ABI1: variants seen among roughly 807,000 people sequenced by gnomAD.
ABI1 encodes abl interactor 1.
Under a neutral mutation model 54.6 loss-of-function variants are expected in ABI1, and 14 were observed. The observed-to-expected ratio is 0.26, with a 90% CI of 0.17 to 0.40. The LOEUF is 0.40. Ranked by LOEUF, ABI1 falls within the 10% of genes least tolerant of loss-of-function variation. ABI1 has a pLI of 1.00. For missense variants in ABI1, 443 were observed against 598.3 expected, an observed-to-expected ratio of 0.74 and a Z score of 2.71; for synonymous variants, 194 against 209.3, an observed-to-expected ratio of 0.93 and a Z score of 0.63.
At chr10:26,779,418 CTGA>C (rs1841835490) in intron 2 of ABI1, among the ~76,000 whole-genome samples, 1 of 152,208 alleles carries the variant, frequency 6.6e-6, no homozygotes, top group African/African-American at 2.4e-5. Context: ...CCTTATCAAG[CTGA>C]CAGTCAGCCT....
chr10:26,790,323 A>T (rs1303722469), intron 2 of ABI1, among the ~76,000 whole-genome samples: 2 of 152,180 alleles, frequency 1.3e-5, no homozygotes, highest in African/African-American at 4.8e-5. Context: ...AATAATAGCC[A>T]TTCTGACTGG....
At chr10:26,771,922 A>G (rs1179432980) in intron 3 of ABI1, among the ~76,000 whole-genome samples, 7 of 152,092 alleles carry the variant, frequency 4.6e-5, no homozygotes, top group Admixed American at 4.6e-4. Flanking sequence ...CTACTTGTAC[A>G]ATGCCACTAA....
chr10:26,784,544 G>A (rs1025734498), intron 2 of ABI1, among the ~76,000 whole-genome samples: 6 of 152,082 alleles, frequency 3.9e-5, no homozygotes, highest in Non-Finnish European at 5.9e-5. Context: ...ACATAACTGG[G>A]GAGGTGGGGG....
At chr10:26,817,457 A>G (rs2047649240) in intron 2 of ABI1, among the ~76,000 whole-genome samples, 1 of 152,202 alleles carries the variant, frequency 6.6e-6, no homozygotes, top group Admixed American at 6.5e-5. Context: ...TAAAATCTAA[A>G]AAGGCAACAG....
At chr10:26,840,665 T>C (rs374660265) in intron 1 of ABI1, among the ~76,000 whole-genome samples, 1 of 152,202 alleles carries the variant, frequency 6.6e-6, no homozygotes, top group Non-Finnish European at 1.5e-5. Context: ...TAATCTCTAC[T>C]GTAATCAATT....
chr10:26,753,853 T>C (rs1201366285), intron 9 of ABI1, among the ~76,000 whole-genome samples: 5 of 152,192 alleles, frequency 3.3e-5, no homozygotes, highest in Non-Finnish European at 5.9e-5. Flanking sequence ...TAAAAAGAAC[T>C]AATATAGTAC....
rs7096584 is a variant in ABI1 at position 26,777,047 on chromosome 10, G to C, written c.462+18C>G. ...TGGATATGCAAATTAGCTTGTTAAT[G>C]TAATATAAAATGCTTACCTTGACAC... is the stretch of plus-strand genomic sequence containing the variant. On this transcript the variant is annotated intron_variant, in intron 3 of 10. Transcript: ENST00000376140. The C allele has an allele frequency of 6.5e-7, 1 of 1,541,394 alleles. No homozygotes were observed. The highest frequency in any genetic ancestry group is 8.7e-7 in the Non-Finnish European group (1 of 1,147,464).
At chr10:26,847,857 T>C (rs1040842575) in intron 1 of ABI1, among the ~76,000 whole-genome samples, 4 of 151,692 alleles carry the variant, frequency 2.6e-5, no homozygotes, top group Non-Finnish European at 4.4e-5. Flanking sequence ...CCCACTTCAG[T>C]TGGGTTATTC....
chr10:26,752,207 CCT>C (rs1837724058), intron 9 of ABI1, among the ~76,000 whole-genome samples: 3 of 152,234 alleles, frequency 2.0e-5, no homozygotes, highest in African/African-American at 7.2e-5. Flanking sequence ...CATTCATGCC[CCT>C]GATTTTGGCT....
At chr10:26,776,927 C>A (rs952449771) in intron 3 of ABI1, 138 bp downstream of exon 3, 1 of 771,402 alleles carries the variant, frequency 1.3e-6, no homozygotes, top group African/African-American at 1.8e-5. Context: ...TAGTAAAATT[C>A]ATATTAAATA....
At chr10:26,822,322 G>A (rs1312676451) in intron 2 of ABI1, among the ~76,000 whole-genome samples, 1 of 152,138 alleles carries the variant, frequency 6.6e-6, no homozygotes, top group East Asian at 1.9e-4. Context: ...CTTCTAAAGT[G>A]AAACAGACAC....
intron 2 of ABI1, among the ~76,000 whole-genome samples, chr10:26,785,970 T>C (rs1842689842): frequency 6.6e-6 from 1 of 152,108 alleles, no homozygotes; most frequent in Non-Finnish European, 1.5e-5. Context: ...TTCTCATCAG[T>C]AATAAAGTCC....
chr10:26,829,062 T>C (rs553532913), intron 1 of ABI1, among the ~76,000 whole-genome samples: 2 of 151,228 alleles, frequency 1.3e-5, no homozygotes, highest in African/African-American at 4.9e-5. Context: ...CCATCTCTAC[T>C]AAAAATACAA....
At chr10:26,789,713 GAT>G (rs1336137180) in intron 2 of ABI1, among the ~76,000 whole-genome samples, 1 of 152,084 alleles carries the variant, frequency 6.6e-6, no homozygotes. Context: ...TTGTTGTACA[GAT>G]TATTTCATCC....
chr10:26,768,723 C>T (rs755415693), intron 6 of ABI1, 129 bp downstream of exon 6: 184 of 710,782 alleles, frequency 2.6e-4, no homozygotes, highest in African/African-American at 4.6e-4. Context: ...AATATTATTC[C>T]CCCAACTTTT....
intron 1 of ABI1, among the ~76,000 whole-genome samples, chr10:26,855,624 C>T (rs10829120): frequency 0.26 from 39,057 of 151,966 alleles, 5,713 homozygotes; most frequent in South Asian, 0.44. Flanking sequence ...TACCCTCTAC[C>T]CTTCTCTATT....
intron 1 of ABI1, among the ~76,000 whole-genome samples, chr10:26,847,518 G>A (rs1444429305): frequency 2.0e-5 from 3 of 152,128 alleles, no homozygotes; most frequent in Non-Finnish European, 2.9e-5. Flanking sequence ...CCAGCTACTT[G>A]GGAGGTGAGG....
At chr10:26,806,252 G>A (rs1315845960) in intron 2 of ABI1, among the ~76,000 whole-genome samples, 3 of 152,222 alleles carry the variant, frequency 2.0e-5, no homozygotes, top group East Asian at 1.9e-4. Flanking sequence ...CTCACCACCA[G>A]GCTTCTGGAT....
intron 2 of ABI1, among the ~76,000 whole-genome samples, chr10:26,777,874 C>A (rs998736305): frequency 2.0e-5 from 3 of 152,066 alleles, no homozygotes; most frequent in Non-Finnish European, 4.4e-5. Context: ...CCTCCCCACA[C>A]ACCCCCCAAA....
Sources: gnomAD v4.1 joint callset for allele counts (sites outside exome capture counted in the v4.1 genomes callset) on GRCh38, gnomAD v4.1.1 for gene constraint, MANE v1.5 for transcripts, NCBI Gene and HGNC (gene_info 2026-07-23, HGNC 2026-07-21) for gene names.